Variants in ADAMTSL3 observed in about 807,000 individuals in gnomAD.
ADAMTSL3 encodes the protein ADAMTS-like protein 3.
ADAMTSL3 carries 128 observed loss-of-function variants against 201.7 expected under a neutral mutation model. The ratio of observed to expected loss-of-function variants is 0.63; its 90% CI spans 0.55 to 0.73. The LOEUF (loss-of-function observed/expected upper bound fraction) is 0.73, where lower values mean the gene tolerates loss of function less well. Ranked by LOEUF, ADAMTSL3 falls within the 30% of genes least tolerant of loss-of-function variation. ADAMTSL3 has a pLI of 0.00. For synonymous variants in ADAMTSL3, 738 were observed against 748.4 expected, an observed-to-expected ratio of 0.99 and a Z score of 0.23; for missense variants, 1,990 against 2,119.6, an observed-to-expected ratio of 0.94 and a Z score of 1.20.
intron 19 of ADAMTSL3, among the ~76,000 whole-genome samples, chr15:83,969,594 G>C (rs2067155095): frequency 6.6e-6 from 1 of 152,220 alleles, no homozygotes; most frequent in Non-Finnish European, 1.5e-5. Flanking sequence ...GATGAACCTA[G>C]AGGACATTAT....
chr15:83,711,139 A>T, intron 3 of ADAMTSL3, among the ~76,000 whole-genome samples: 1 of 152,100 alleles, frequency 6.6e-6, no homozygotes, highest in Admixed American at 6.5e-5. Context: ...TTAACTATTG[A>T]TTTATGCATT....
chr15:83,702,933 A>G (rs2141497910), intron 2 of ADAMTSL3, among the ~76,000 whole-genome samples: 1 of 152,298 alleles, frequency 6.6e-6, no homozygotes, highest in South Asian at 2.1e-4. Context: ...AGAGCCACAG[A>G]CATTCAACGC....
chr15:83,704,872 C>A (rs531247808), intron 3 of ADAMTSL3, among the ~76,000 whole-genome samples: 19 of 152,118 alleles, frequency 1.2e-4, no homozygotes, highest in Non-Finnish European at 2.2e-4. Context: ...TACTTCATTT[C>A]TTTTACCAGC....
intron 6 of ADAMTSL3, among the ~76,000 whole-genome samples, chr15:83,826,188 CT>C (rs1231463707): frequency 1.3e-5 from 2 of 152,082 alleles, no homozygotes; most frequent in Admixed American, 6.6e-5. Context: ...TCACTGTAGC[CT>C]TGGGCTCCTG....
intron 19 of ADAMTSL3, among the ~76,000 whole-genome samples, chr15:83,948,130 C>T (rs1365813896): frequency 6.6e-6 from 1 of 152,032 alleles, no homozygotes; most frequent in Non-Finnish European, 1.5e-5. Context: ...CAAGATATGT[C>T]CAGGATACAT....
chr15:83,847,304 AT>A (rs1422989468), intron 7 of ADAMTSL3, among the ~76,000 whole-genome samples: 1 of 152,024 alleles, frequency 6.6e-6, no homozygotes, highest in Non-Finnish European at 1.5e-5. Flanking sequence ...TCTCACCCCC[AT>A]TTGCAAAGTA....
At chr15:83,939,107 A>G (rs1042813131) in intron 17 of ADAMTSL3, among the ~76,000 whole-genome samples, 6 of 152,178 alleles carry the variant, frequency 3.9e-5, no homozygotes, top group Non-Finnish European at 8.8e-5. Context: ...GGTTGAACCA[A>G]TTTTGCCTTC....
At chr15:83,915,343 A>C (rs1454192341) in intron 16 of ADAMTSL3, among the ~76,000 whole-genome samples, 2 of 152,202 alleles carry the variant, frequency 1.3e-5, no homozygotes, top group African/African-American at 4.8e-5. Flanking sequence ...AGAGATGACC[A>C]GGTGAATTCT....
intron 4 of ADAMTSL3, among the ~76,000 whole-genome samples, chr15:83,781,989 A>G (rs2063177261): frequency 6.6e-6 from 1 of 152,200 alleles, no homozygotes; most frequent in East Asian, 1.9e-4. Flanking sequence ...AATTAGTTCA[A>G]CCTTTGTGGA....
chr15:83,838,208 T>C lies in ADAMTSL3; in HGVS notation c.720T>C (p.Pro240=). Residue 240 remains proline (P), a synonymous_variant, in exon 7 of 30, where the codon CCT becomes CCC. Coordinates refer to ENST00000286744, the MANE Select transcript of ADAMTSL3 (RefSeq NM_207517.3). ...VRGQSKSHVS[P]EKREENVIAV... is the part of the protein sequence containing the mutation. ...GACAATCAAAGTCACACGTTTCTCC[T>C]GAAAAAAGTAGGTTTTAAACCCAAT... 6.2e-7 allele frequency: 1 copy of C among 1,612,368 alleles called. No individual in the cohort carries two copies. Among genetic ancestry groups the C allele is most frequent in the Non-Finnish European group, 8.5e-7 (1 of 1,179,282 alleles).
intron 28 of ADAMTSL3, among the ~76,000 whole-genome samples, chr15:84,033,685 AAAAAC>A (rs1360588280): frequency 6.6e-6 from 1 of 152,046 alleles, no homozygotes; most frequent in Non-Finnish European, 1.5e-5. Context: ...AAACAAACAA[AAAAAC>A]GTGCTCAAGT....
chr15:84,025,382 G>A lies in ADAMTSL3; in HGVS notation c.4602G>A (p.Leu1534=), dbSNP rs202027257. ...PRACAPKDRP[L]GRKPCFGHPC... is the part of the protein sequence containing the mutation. ...CATGTGCCCCTAAAGACCGGCCTCT[G>A]GGAAGAAAACCATGTTTTGGTCATC... Residue 1534 remains leucine, a synonymous_variant, in exon 27 of 30, where the codon CTG becomes CTA. Coordinates refer to ENST00000286744, the MANE Select transcript of ADAMTSL3 (RefSeq NM_207517.3). The A allele has an allele frequency of 5.0e-5, 80 of 1,613,978 alleles. No homozygotes were observed. The highest frequency in any genetic ancestry group is 6.6e-5 in the Non-Finnish European group (78 of 1,180,008).
intron 3 of ADAMTSL3, among the ~76,000 whole-genome samples, chr15:83,755,679 G>A (rs181876634): frequency 4.1e-4 from 62 of 151,964 alleles, no homozygotes; most frequent in Middle Eastern, 3.4e-3. Context: ...GGACATTTGG[G>A]TTGTCTTCTC....
intron 23 of ADAMTSL3, among the ~76,000 whole-genome samples, chr15:83,996,635 G>A (rs1321900880): frequency 6.6e-6 from 1 of 151,740 alleles, no homozygotes; most frequent in African/African-American, 2.4e-5. Context: ...CAAAAAATTA[G>A]CTGGGCGTGG....
At chr15:83,663,998 C>T (rs1023794738) in intron 2 of ADAMTSL3, among the ~76,000 whole-genome samples, 6 of 152,174 alleles carry the variant, frequency 3.9e-5, no homozygotes, top group African/African-American at 1.4e-4. Context: ...TCTGCCTTTG[C>T]CCTCCCGTCT....
intron 6 of ADAMTSL3, among the ~76,000 whole-genome samples, chr15:83,820,567 C>A (rs1159179977): frequency 2.0e-5 from 3 of 152,170 alleles, no homozygotes; most frequent in African/African-American, 7.2e-5. Context: ...ACTTTGAGAA[C>A]CGCTGTTTTG....
At position 83,838,201 on chromosome 15, in the gene ADAMTSL3, T is replaced by C; in HGVS notation, c.713T>C (p.Val238Ala). The C allele has an allele frequency of 6.2e-7, 1 of 1,612,716 alleles. No individual in the cohort carries two copies. The highest frequency in any genetic ancestry group is 1.1e-5 in the South Asian group (1 of 90,742). ...RLVRGQSKSH[V>A]SPEKREENVI... ...GTACGGGGACAATCAAAGTCACACG[T>C]TTCTCCTGAAAAAAGTAGGTTTTAA... Residue 238 changes from valine to alanine, a missense_variant, in exon 7 of 30, where the codon GTT becomes GCT. Val to Ala is a moderately conservative substitution (Grantham distance 64). Transcript: ENST00000286744.
At position 83,773,683 on chromosome 15, in the gene ADAMTSL3, G is replaced by A. The variant is rs1011155476; in HGVS notation, c.317+33G>A. 9.4e-6 allele frequency: 15 copies of A among 1,596,628 alleles called. No homozygotes were observed. The African/African-American group carries it at 1.8e-4, about 19-fold the overall frequency. The stretch of plus-strand genomic sequence containing the variant: ...GTGGCTTCACTTGCTCCTGCATGTG[G>A]AATGTGCCAGTGCCTCTGGATGGGT... On this transcript the variant is annotated intron_variant, in intron 4 of 29. Transcript: ENST00000286744.
chr15:83,938,487 G>C (rs2066499337), intron 17 of ADAMTSL3, among the ~76,000 whole-genome samples: 1 of 152,140 alleles, frequency 6.6e-6, no homozygotes, highest in South Asian at 2.1e-4. Context: ...CCTTTAAAAG[G>C]GCAGATTTTA....
Sources: allele counts gnomAD v4.1 joint callset (sites outside exome capture counted in the v4.1 genomes callset), GRCh38; gene constraint gnomAD v4.1.1; transcripts MANE v1.5; gene names NCBI Gene and HGNC (gene_info 2026-07-23, HGNC 2026-07-21).